BSDC1: variants seen among roughly 807,000 people sequenced by gnomAD.
BSDC1 encodes the protein BSD domain-containing protein 1.
BSDC1 carries 29 observed loss-of-function variants against 56.0 expected under a neutral mutation model. That is an observed-to-expected ratio of 0.52 (90% CI 0.39 to 0.71). The LOEUF is 0.71. BSDC1 is among the 30% of genes least tolerant of loss of function. BSDC1 has a pLI of 0.00. For synonymous variants in BSDC1, 210 were observed against 215.3 expected, an observed-to-expected ratio of 0.98 and a Z score of 0.21; for missense variants, 477 against 548.5, an observed-to-expected ratio of 0.87 and a Z score of 1.30.
At chr1:32,366,997 G>A (rs1641878022) in intron 10 of BSDC1, 2 of 1,058,784 alleles carry the variant, frequency 1.9e-6, no homozygotes, top group Non-Finnish European at 2.3e-6. Flanking sequence ...ATAATGCCAT[G>A]GCTCTGAGAA....
At chr1:32,368,252 G>A in intron 10 of BSDC1, 195 bp downstream of exon 10, 2 of 1,510,882 alleles carry the variant, frequency 1.3e-6, no homozygotes, top group East Asian at 2.4e-5. Context: ...TATCCACCCT[G>A]GAACTGAGGA....
rs1557651169 is a variant in BSDC1 at position 32,383,837 on chromosome 1, C to T, written c.350G>A (p.Gly117Asp). 1.2e-6 allele frequency: 2 copies of T among 1,612,144 alleles called. No individual in the cohort carries two copies. The highest frequency in any genetic ancestry group is 8.5e-7 in the Non-Finnish European group (1 of 1,179,980). ...TPSGTAEPYD[G>D]TKARLYSLQS... ...GAGACTGTCAGTGAATACCTTGGTG[C>T]CATCATAGGGCTCAGCTGTGCCAGA... Residue 117 changes from glycine (G) to aspartate (D), a missense_variant, in exon 4 of 11, where the codon GGC (glycine) becomes GAC (aspartate). By Grantham distance (94) the Gly-to-Asp change is moderately conservative (BLOSUM62 -1). Transcript: ENST00000455895.
At chr1:32,372,706 G>T (rs1306172349) in intron 9 of BSDC1, among the ~76,000 whole-genome samples, 3 of 152,220 alleles carry the variant, frequency 2.0e-5, no homozygotes, top group African/African-American at 7.2e-5. Flanking sequence ...TAAGACTTCA[G>T]AATGGAGTTC....
chr1:32,372,060 C>A (rs1642111713), intron 9 of BSDC1, among the ~76,000 whole-genome samples: 1 of 152,036 alleles, frequency 6.6e-6, no homozygotes, highest in African/African-American at 2.4e-5. Context: ...GTAGACCTGG[C>A]CCTGCCGTTT....
intron 9 of BSDC1, among the ~76,000 whole-genome samples, chr1:32,371,457 C>T (rs1291351588): frequency 6.6e-6 from 1 of 151,734 alleles, no homozygotes; most frequent in East Asian, 1.9e-4. Flanking sequence ...ACTACAGGCG[C>T]CCGCCACCAC....
Position 32,379,606 on chromosome 1 carries a change from T to C in BSDC1, c.413-767A>G, listed in dbSNP as rs191816774. Among the ~76,000 whole-genome samples the C allele has an allele frequency of 1.4e-3, 210 of 152,338 alleles. 2 individuals are homozygous for C. The highest frequency in any genetic ancestry group is 4.9e-3 in the African/African-American group (203 of 41,594). ...CTTCCTCAGTGTCTCCTTTTTATTT[T>C]TGAGAGATAGAGGCTTGCTCTGTCA... On this transcript the variant is annotated intron_variant, in intron 5 of 10. Coordinates refer to ENST00000455895, the MANE Select transcript of BSDC1 (RefSeq NM_018045.8).
At chr1:32,374,851 A>G (rs1358816778) in intron 9 of BSDC1, 1 of 152,272 alleles carries the variant, frequency 6.6e-6, no homozygotes, top group Non-Finnish European at 1.5e-5. Context: ...AGTGTCTCAT[A>G]AAGAACAGGT....
At chr1:32,369,429 A>C in intron 9 of BSDC1, 2 of 506,394 alleles carry the variant, frequency 3.9e-6, no homozygotes, top group Non-Finnish European at 6.5e-6. Context: ...TGATCACTTG[A>C]GCCCAGGAGT....
intron 4 of BSDC1, among the ~76,000 whole-genome samples, chr1:32,381,797 T>C (rs1362622552): frequency 6.6e-6 from 1 of 152,224 alleles, no homozygotes; most frequent in Admixed American, 6.5e-5. Context: ...GTGTAAGCGG[T>C]CTGGTGATAA....
intron 9 of BSDC1, 99 bp from the exon 10 acceptor site, chr1:32,368,649 A>C: frequency 2.7e-5 from 40 of 1,508,244 alleles, no homozygotes; most frequent in Non-Finnish European, 3.3e-5. Context: ...AAAGGGTCTC[A>C]CAAATACACA....
intron 5 of BSDC1, 134 bp downstream of exon 5, chr1:32,381,080 A>T: frequency 1.3e-6 from 1 of 784,364 alleles, no homozygotes; most frequent in Non-Finnish European, 2.2e-6. Context: ...AGTATAAGGT[A>T]CACACTAGTC....
At chr1:32,367,081 C>T in intron 10 of BSDC1, 1 of 990,490 alleles carries the variant, frequency 1.0e-6, no homozygotes, top group Non-Finnish European at 1.2e-6. Flanking sequence ...GGGCAAGTTA[C>T]TTAGTCTTTG....
intron 5 of BSDC1, among the ~76,000 whole-genome samples, chr1:32,379,596 CTTTTTA>C (rs1418247840): frequency 1.3e-5 from 2 of 152,138 alleles, no homozygotes; most frequent in Non-Finnish European, 2.9e-5. Context: ...TCAGTGTCTC[CTTTTTA>C]TTTTTGAGAG....
chr1:32,372,004 G>A (rs1642109582), intron 9 of BSDC1, among the ~76,000 whole-genome samples: 2 of 152,202 alleles, frequency 1.3e-5, no homozygotes, highest in Admixed American at 1.3e-4. Flanking sequence ...AGGTCTAGCT[G>A]GTGGCTGGGA....
chr1:32,365,436 T>A lies in BSDC1; in HGVS notation c.*1186A>T, dbSNP rs1641811029. ...TTGAAGTGGAAGTGACCTCACTCTC[T>A]CGGTGTCCCTGACCCACGATCCCTT... On this transcript the variant is annotated 3_prime_UTR_variant, in exon 11 of 11. Coordinates refer to ENST00000455895, the MANE Select transcript of BSDC1 (RefSeq NM_018045.8). The A allele has an allele frequency of 6.6e-6, 1 of 152,460 alleles. No homozygotes were observed. Among genetic ancestry groups the A allele is most frequent in the African/African-American group, 2.4e-5 (1 of 41,374 alleles). The allele number at this position is 152,460 out of a possible 1,614,324, so 9.4% of individuals were successfully genotyped here.
At chr1:32,390,772 G>C (rs1000921759) in intron 2 of BSDC1, among the ~76,000 whole-genome samples, 11 of 152,066 alleles carry the variant, frequency 7.2e-5, no homozygotes, top group Admixed American at 6.5e-4. Flanking sequence ...TTAGTTGGGC[G>C]TGATGGTACA....
chr1:32,394,149 G>A lies in BSDC1; in HGVS notation c.12-9C>T, dbSNP rs775737246. Reference sequence around the variant, plus strand: ...ACCATCCCACGTCCTCCCTGTGGAAGACAGACACATCTGGCAGCACCGCGG... The same window carrying A: ...ACCATCCCACGTCCTCCCTGTGGAAAACAGACACATCTGGCAGCACCGCGG... On this transcript the variant is annotated splice_polypyrimidine_tract_variant and intron_variant, in intron 1 of 10. Transcript: ENST00000455895. 1.6e-5 allele frequency: 26 copies of A among 1,607,794 alleles called. No individual in the cohort carries two copies. Among genetic ancestry groups the A allele is most frequent in the South Asian group, 3.3e-5 (3 of 90,064 alleles).
chr1:32,382,053 C>A (rs1229471430), intron 4 of BSDC1, among the ~76,000 whole-genome samples: 1 of 151,902 alleles, frequency 6.6e-6, no homozygotes, highest in Non-Finnish European at 1.5e-5. Context: ...ATGGTGAAAC[C>A]CCATCTCTAC....
intron 5 of BSDC1, among the ~76,000 whole-genome samples, chr1:32,380,976 CT>C (rs1016730370): frequency 1.5e-4 from 23 of 152,028 alleles, no homozygotes; most frequent in African/African-American, 5.3e-4. Context: ...GGAGGCTGAG[CT>C]GAGGATGAGG....
Sources: allele counts gnomAD v4.1 joint callset (sites outside exome capture counted in the v4.1 genomes callset), GRCh38; gene constraint gnomAD v4.1.1; transcripts MANE v1.5; gene names NCBI Gene and HGNC (gene_info 2026-07-23, HGNC 2026-07-21).